Variants in DCAF8L2 observed in about 807,000 individuals in gnomAD.
DCAF8L2 encodes DDB1- and CUL4-associated factor 8-like protein 2.
For missense variants in DCAF8L2, 430 were observed against 490.7 expected (o/e 0.88, Z 1.17); for synonymous variants, 200 against 190.9 (o/e 1.05, Z -0.39).
intron 1 of DCAF8L2, among the ~76,000 whole-genome samples, chrX:27,622,025 T>TAAAAAAA (rs1569163104): frequency 1.8e-5 from 2 of 108,946 alleles, no homozygotes; most frequent in African/African-American, 6.8e-5. Context: ...AAGATGTTAG[T>TAAAAAAA]AAGAATATAT....
chrX:27,725,243 T>C (rs1932031985), intron 4 of DCAF8L2, among the ~76,000 whole-genome samples: 1 of 110,953 alleles, frequency 9.0e-6, no homozygotes, highest in South Asian at 3.7e-4. Flanking sequence ...TCCCCAGTGA[T>C]GGTTACATTG....
chrX:27,557,381 G>A, the DCAF8L2 span, among the ~76,000 whole-genome samples: 9 of 111,593 alleles, frequency 8.1e-5, no homozygotes, highest in Non-Finnish European at 1.5e-4. Flanking sequence ...GGTTAATTTC[G>A]TCAAAATAAT....
chrX:27,733,862 C>A (rs1921368812), intron 4 of DCAF8L2, among the ~76,000 whole-genome samples: 1 of 111,556 alleles, frequency 9.0e-6, no homozygotes. Context: ...TACTTCTAAG[C>A]TTTCTATTCT....
the DCAF8L2 span, among the ~76,000 whole-genome samples, chrX:27,577,921 C>T: frequency 8.9e-6 from 1 of 111,900 alleles, no homozygotes; most frequent in African/African-American, 3.2e-5. Flanking sequence ...AATGGAAAAA[C>T]ATTCCATGTT....
chrX:27,626,768 C>T (rs958132268), intron 1 of DCAF8L2, among the ~76,000 whole-genome samples: 1 of 111,103 alleles, frequency 9.0e-6, no homozygotes, highest in African/African-American at 3.3e-5. Flanking sequence ...ATATAGGAGG[C>T]AAAGAAAGAT....
intron 1 of DCAF8L2, among the ~76,000 whole-genome samples, chrX:27,628,938 T>C (rs892862519): frequency 1.6e-4 from 18 of 111,562 alleles, no homozygotes; most frequent in African/African-American, 5.5e-4. Flanking sequence ...GATCTCATTG[T>C]AGCTTTGATT....
At chrX:27,481,304 G>A in the DCAF8L2 span, among the ~76,000 whole-genome samples, 1 of 110,719 alleles carries the variant, frequency 9.0e-6, no homozygotes, top group Non-Finnish European at 1.9e-5. Flanking sequence ...CTTGAACCTA[G>A]GGGATGGAGG....
chrX:27,519,071 A>C, the DCAF8L2 span: 1 of 1,036,254 alleles, frequency 9.7e-7, no homozygotes, highest in Middle Eastern at 3.2e-4. Flanking sequence ...CAACAGATGA[A>C]GTCTCAGGCT....
chrX:27,630,748 A>C (rs1928252000), intron 1 of DCAF8L2, among the ~76,000 whole-genome samples: 1 of 112,071 alleles, frequency 8.9e-6, no homozygotes, highest in South Asian at 3.7e-4. Flanking sequence ...CTTATAAAAA[A>C]ATAGAAATTA....
At chrX:27,478,594 TAACTC>T in the DCAF8L2 span, among the ~76,000 whole-genome samples, 7 of 112,272 alleles carry the variant, frequency 6.2e-5, no homozygotes, top group Non-Finnish European at 1.1e-4. Flanking sequence ...TATTCTGTAA[TAACTC>T]ATTCAAGTTT....
intron 4 of DCAF8L2, among the ~76,000 whole-genome samples, chrX:27,733,517 A>G: frequency 9.0e-6 from 1 of 111,667 alleles, no homozygotes; most frequent in African/African-American, 3.3e-5. Flanking sequence ...TACTATACAG[A>G]TGCTTTTTAG....
At chrX:27,547,791 G>T in the DCAF8L2 span, among the ~76,000 whole-genome samples, 4 of 105,024 alleles carry the variant, frequency 3.8e-5, no homozygotes, top group African/African-American at 1.0e-4. Flanking sequence ...AGATCTTTTG[G>T]TTTAAAATTG....
chrX:27,735,591 G>A (rs978345612), intron 4 of DCAF8L2, among the ~76,000 whole-genome samples: 2 of 112,274 alleles, frequency 1.8e-5, no homozygotes, highest in African/African-American at 6.5e-5. Flanking sequence ...GACTTGCAAA[G>A]TGGGAGGATG....
chrX:27,700,445 C>T (rs1344917754), intron 3 of DCAF8L2, among the ~76,000 whole-genome samples: 1 of 110,807 alleles, frequency 9.0e-6, no homozygotes, highest in Non-Finnish European at 1.9e-5. Context: ...AGAACCTTTG[C>T]CCTTAATATT....
the DCAF8L2 span, among the ~76,000 whole-genome samples, chrX:27,538,251 T>A: frequency 8.9e-6 from 1 of 112,047 alleles, no homozygotes; most frequent in East Asian, 2.8e-4. Flanking sequence ...ATTACCTGTA[T>A]ACCACAGTGG....
intron 3 of DCAF8L2, among the ~76,000 whole-genome samples, chrX:27,706,866 T>C (rs1217624928): frequency 8.9e-6 from 1 of 111,835 alleles, no homozygotes; most frequent in Non-Finnish European, 1.9e-5. Context: ...ATATCCAAAA[T>C]GTGGAAACAA....
At chrX:27,658,526 G>A (rs956178495) in intron 2 of DCAF8L2, among the ~76,000 whole-genome samples, 3 of 111,917 alleles carry the variant, frequency 2.7e-5, no homozygotes, top group African/African-American at 9.7e-5. Flanking sequence ...AAATTGTATT[G>A]AATCTCACAC....
the DCAF8L2 span, among the ~76,000 whole-genome samples, chrX:27,477,094 C>G: frequency 7.7e-4 from 86 of 111,757 alleles, no homozygotes; most frequent in South Asian, 0.031. Flanking sequence ...CTTGTTTCCC[C>G]AGATCTCCTG....
At chrX:27,472,632 A>G in the DCAF8L2 span, among the ~76,000 whole-genome samples, 1 of 111,429 alleles carries the variant, frequency 9.0e-6, no homozygotes, top group Non-Finnish European at 1.9e-5. Context: ...TATGAGTGAG[A>G]ACATGCGGTG....
Sources: gnomAD v4.1 joint callset for allele counts (sites outside exome capture counted in the v4.1 genomes callset) on GRCh38, gnomAD v4.1.1 for gene constraint, MANE v1.5 for transcripts, NCBI Gene and HGNC (gene_info 2026-07-23, HGNC 2026-07-21) for gene names.